Variants in PKN2 observed in about 807,000 individuals in gnomAD.
The protein encoded by PKN2 is serine/threonine-protein kinase N2.
PKN2 carries 38 observed loss-of-function variants against 119.1 expected under a neutral mutation model. That is an observed-to-expected ratio of 0.32 (90% CI 0.25 to 0.42). The LOEUF is 0.42. PKN2 is among the 10% of genes least tolerant of loss of function. The probability of loss-of-function intolerance (pLI) is 1.00; values close to 1 mark genes in which losing one functional copy is unlikely to be tolerated. For synonymous variants in PKN2, 390 were observed against 384.9 expected (o/e 1.01, Z -0.15); for missense variants, 850 against 1,165.1 (o/e 0.73, Z 3.94).
At chr1:88,815,461 G>T (rs1392254859) in intron 16 of PKN2, 3 of 339,366 alleles carry the variant, frequency 8.8e-6, no homozygotes, top group Non-Finnish European at 1.1e-5. Flanking sequence ...ATTTCTACAT[G>T]AAATCATCTG....
intron 8 of PKN2, among the ~76,000 whole-genome samples, chr1:88,800,844 G>C (rs2100864171): frequency 1.3e-5 from 2 of 152,226 alleles, no homozygotes; most frequent in East Asian, 3.9e-4. Flanking sequence ...GATTCTTTAA[G>C]TCTACCAAGC....
intron 3 of PKN2, among the ~76,000 whole-genome samples, chr1:88,762,609 T>C (rs79513092): frequency 2.9e-4 from 44 of 152,290 alleles, no homozygotes; most frequent in African/African-American, 1.1e-3. Context: ...GATGGTGCCT[T>C]ATTACATAGC....
At chr1:88,743,051 G>A (rs1018444581) in intron 2 of PKN2, among the ~76,000 whole-genome samples, 5 of 152,232 alleles carry the variant, frequency 3.3e-5, no homozygotes, top group African/African-American at 9.6e-5. Context: ...ATTAGTCGAC[G>A]TGGTGGCGTG....
At chr1:88,704,968 T>A (rs1163923347) in intron 1 of PKN2, among the ~76,000 whole-genome samples, 3 of 152,170 alleles carry the variant, frequency 2.0e-5, no homozygotes, top group Non-Finnish European at 2.9e-5. Flanking sequence ...TATCTGTATA[T>A]CCTCTTTGGT....
chr1:88,761,774 C>T (rs1445236534), intron 3 of PKN2, among the ~76,000 whole-genome samples: 4 of 151,950 alleles, frequency 2.6e-5, no homozygotes, highest in Non-Finnish European at 5.9e-5. Flanking sequence ...TTCCTATTTA[C>T]TTATGATGTG....
intron 1 of PKN2, among the ~76,000 whole-genome samples, chr1:88,700,468 A>G (rs1666728311): frequency 6.6e-6 from 1 of 152,206 alleles, no homozygotes; most frequent in Non-Finnish European, 1.5e-5. Context: ...ACCATAGTTC[A>G]TAAGATCCCT....
At chr1:88,770,573 A>G (rs1361607818) in intron 4 of PKN2, 104 bp downstream of exon 4, 8 of 596,056 alleles carry the variant, frequency 1.3e-5, no homozygotes, top group African/African-American at 4.0e-5. Flanking sequence ...AAGCATTACT[A>G]TTACTTTTTT....
intron 19 of PKN2, among the ~76,000 whole-genome samples, chr1:88,831,082 C>G (rs749486980): frequency 2.0e-5 from 3 of 151,814 alleles, no homozygotes; most frequent in South Asian, 2.1e-4. Flanking sequence ...TTTTTCCTGT[C>G]TCAGATGGGA....
At position 88,741,001 on chromosome 1, in the gene PKN2, G is replaced by A. The variant is rs569991850; in HGVS notation, c.62G>A (p.Ser21Asn). 110 of 1,566,776 alleles carry A rather than the reference G, an allele frequency of 7.0e-5. 3 individuals are homozygous for A. In the South Asian group the frequency reaches 1.1e-3, roughly 15 times the overall value. Reference protein sequence around the residue: ...LLTELQGDSRSLPFSENVSAV... With the variant: ...LLTELQGDSRNLPFSENVSAV... ...TTTTTTCTGTAGGGGGATTCCCGAAGTCTTCCGTTTTCTGAGAATGTGAGT... is the reference window on the plus strand; with the variant it reads ...TTTTTTCTGTAGGGGGATTCCCGAAATCTTCCGTTTTCTGAGAATGTGAGT... The change falls in exon 2 of 22, where the codon AGT becomes AAT. Residue 21 changes from serine (S) to asparagine (N), a missense_variant. Ser to Asn is a conservative substitution (Grantham distance 46). Transcript: ENST00000370521.
intron 2 of PKN2, among the ~76,000 whole-genome samples, chr1:88,753,478 A>G (rs527996513): frequency 1.3e-5 from 2 of 152,224 alleles, no homozygotes; most frequent in South Asian, 2.1e-4. Flanking sequence ...TTATTAGTCT[A>G]TTCTCGCACT....
chr1:88,769,590 T>C (rs945786959), intron 3 of PKN2, among the ~76,000 whole-genome samples: 13 of 152,198 alleles, frequency 8.5e-5, no homozygotes, highest in African/African-American at 3.1e-4. Context: ...GATTGTGCGA[T>C]GTATATATAT....
chr1:88,688,408 C>G lies in PKN2; in HGVS notation c.48+3780C>G, dbSNP rs7523789. ...CGCCACTACACCATTATTTAAATTGCCACAGTTCTGGGGAACTATAAATGT... is the reference window on the plus strand; with the variant it reads ...CGCCACTACACCATTATTTAAATTGGCACAGTTCTGGGGAACTATAAATGT... On this transcript the variant is annotated intron_variant, in intron 1 of 21. Coordinates refer to ENST00000370521, the MANE Select transcript of PKN2 (RefSeq NM_006256.4). Among the ~76,000 whole-genome samples, 432 of 152,202 alleles carry G rather than the reference C, an allele frequency of 2.8e-3. 4 individuals carry two copies. The highest frequency in any genetic ancestry group is 9.9e-3 in the African/African-American group (411 of 41,520).
At chr1:88,744,939 A>G (rs1668713918) in intron 2 of PKN2, among the ~76,000 whole-genome samples, 1 of 152,204 alleles carries the variant, frequency 6.6e-6, no homozygotes, top group Non-Finnish European at 1.5e-5. Flanking sequence ...TTATTTTCTC[A>G]TCATGCCCAT....
Position 88,684,394 on chromosome 1 carries a change from C to A in PKN2, c.-187C>A. 1 of 533,768 alleles carries A rather than the reference C, an allele frequency of 1.9e-6. No individual in the cohort carries two copies. The highest frequency in any genetic ancestry group is 3.3e-6 in the Non-Finnish European group (1 of 306,696). The allele number at this position is 533,768 out of a possible 1,614,324, so 33.1% of individuals were successfully genotyped here. A position where few individuals can be genotyped will look rare whatever the true frequency, so the allele number is the denominator to read the frequency against. ...AGCCCGCTACGAGTGCCCTAGCTCC[C>A]CGCCGCTCTCGATGAACCGGACGGA... On this transcript the variant is annotated 5_prime_UTR_variant, in exon 1 of 22. Transcript: ENST00000370521.
chr1:88,762,878 T>C (rs1669503276), intron 3 of PKN2, among the ~76,000 whole-genome samples: 1 of 152,194 alleles, frequency 6.6e-6, no homozygotes, highest in Non-Finnish European at 1.5e-5. Context: ...TAAGGAACTG[T>C]GGAATAGCCT....
At chr1:88,711,718 A>C (rs1667241684) in intron 1 of PKN2, among the ~76,000 whole-genome samples, 1 of 152,172 alleles carries the variant, frequency 6.6e-6, no homozygotes, top group South Asian at 2.1e-4. Flanking sequence ...TAGAAATGTG[A>C]TCATTTATAT....
rs566300727 is a variant in PKN2, at chr1:88,814,011, T to C, written c.2279+278T>C. 3.3e-5 allele frequency among the ~76,000 whole-genome samples: 5 copies of C among 152,170 alleles called. No homozygotes were observed. In the South Asian group the frequency reaches 1.0e-3, roughly 32 times the overall value. On this transcript the variant is annotated intron_variant, in intron 16 of 21. Transcript: ENST00000370521. ...AATTTCTTTTTTTGCTATTAGATTT[T>C]CTCACTAGAGAATGCCATCCAGAAT...
chr1:88,775,901 C>T (rs941075456), intron 6 of PKN2, among the ~76,000 whole-genome samples: 5 of 151,776 alleles, frequency 3.3e-5, no homozygotes, highest in African/African-American at 1.2e-4. Flanking sequence ...GTCAGAAGAT[C>T]GAGACCATCC....
At position 88,718,545 on chromosome 1, in the gene PKN2, G is replaced by C. The variant is rs576718068; in HGVS notation, c.49-22443G>C. Among the ~76,000 whole-genome samples the C allele has an allele frequency of 7.2e-5, 11 of 152,228 alleles. 1 individual carries two copies. In the Middle Eastern group the frequency reaches 0.01, roughly 142 times the overall value. Reference sequence around the variant, plus strand: ...AAAAGAAGCTTATGTATTAGGTTGAGTATAAATTTAAATATATCCTAATAT... The same window carrying C: ...AAAAGAAGCTTATGTATTAGGTTGACTATAAATTTAAATATATCCTAATAT... On this transcript the variant is annotated intron_variant, in intron 1 of 21. Coordinates refer to ENST00000370521, the MANE Select transcript of PKN2 (RefSeq NM_006256.4).
Sources: gnomAD v4.1 joint callset for allele counts (sites outside exome capture counted in the v4.1 genomes callset) on GRCh38, gnomAD v4.1.1 for gene constraint, MANE v1.5 for transcripts, NCBI Gene and HGNC (gene_info 2026-07-23, HGNC 2026-07-21) for gene names.